Variants in BCL2 observed in about 807,000 individuals in gnomAD.
The protein encoded by BCL2 is BCL2 apoptosis regulator.
Under a neutral mutation model 14.2 loss-of-function variants are expected in BCL2, and 1 was observed. That is an observed-to-expected ratio of 0.07 (90% CI 0.02 to 0.33). The LOEUF (loss-of-function observed/expected upper bound fraction) is 0.33, where lower values mean the gene tolerates loss of function less well. BCL2 is among the 10% of genes least tolerant of loss of function. BCL2 has a pLI of 0.99. For missense variants in BCL2, 247 were observed against 305.9 expected (o/e 0.81, Z 1.44); for synonymous variants, 151 against 137.2 (o/e 1.10, Z -0.70).
rs575294182 is a variant in BCL2 at position 63,198,715 on chromosome 18, A to T, written c.586-69956T>A. Among the ~76,000 whole-genome samples, 16 of 147,810 alleles carry T rather than the reference A, an allele frequency of 1.1e-4. No homozygotes were observed. In the East Asian group the frequency reaches 3.3e-3, roughly 31 times the overall value. ...CACACACACTGACACACAGAGACAC[A>T]CACACACAGACACACACAGACACAG... On this transcript the variant is annotated intron_variant, in intron 2 of 2. Coordinates refer to ENST00000333681, the MANE Select transcript of BCL2 (RefSeq NM_000633.3).
At position 63,253,030 on chromosome 18, in the gene BCL2, C is replaced by T. The variant is rs568308822; in HGVS notation, c.585+65052G>A. 2.0e-5 allele frequency among the ~76,000 whole-genome samples: 3 copies of T among 152,342 alleles called. No individual in the cohort carries two copies. In the South Asian group the frequency reaches 6.2e-4, roughly 32 times the overall value. ...CACCAACTCTGTACACAAAAACACACTTTAATGTTAACTAGAATTATTCCT... is the reference window on the plus strand; with the variant it reads ...CACCAACTCTGTACACAAAAACACATTTTAATGTTAACTAGAATTATTCCT... On this transcript the variant is annotated intron_variant, in intron 2 of 2. Transcript: ENST00000333681.
rs551725966 is a variant in BCL2, at chr18:63,204,993, G to A, written c.586-76234C>T. 5.3e-5 allele frequency among the ~76,000 whole-genome samples: 8 copies of A among 152,284 alleles called. No homozygotes were observed. In the South Asian group the frequency reaches 1.7e-3, roughly 32 times the overall value. On this transcript the variant is annotated intron_variant, in intron 2 of 2. Coordinates refer to ENST00000333681, the MANE Select transcript of BCL2 (RefSeq NM_000633.3). ...GTTCCTTATTCTGATGGAAGAGCGAGTAGTGAATTGGGTGGATGGGGACGG... is the reference window on the plus strand; with the variant it reads ...GTTCCTTATTCTGATGGAAGAGCGAATAGTGAATTGGGTGGATGGGGACGG...
At chr18:63,156,354 G>A (rs976575234) in intron 2 of BCL2, among the ~76,000 whole-genome samples, 8 of 152,164 alleles carry the variant, frequency 5.3e-5, no homozygotes, top group Non-Finnish European at 1.2e-4. Flanking sequence ...TCTTTGTTGT[G>A]GGGAGGACGG....
At chr18:63,253,550 T>C (rs1911377926) in intron 2 of BCL2, among the ~76,000 whole-genome samples, 1 of 152,244 alleles carries the variant, frequency 6.6e-6, no homozygotes, top group Non-Finnish European at 1.5e-5. Flanking sequence ...CATCAGTGAC[T>C]AGGGCAAAAC....
chr18:63,216,330 T>C (rs1231415415), intron 2 of BCL2, among the ~76,000 whole-genome samples: 8 of 148,668 alleles, frequency 5.4e-5, no homozygotes, highest in Non-Finnish European at 1.2e-4. Context: ...TCAAGGTGAG[T>C]CAGTAAGGAC....
At chr18:63,305,495 G>A (rs1378810477) in intron 2 of BCL2, among the ~76,000 whole-genome samples, 5 of 152,100 alleles carry the variant, frequency 3.3e-5, no homozygotes, top group Non-Finnish European at 7.4e-5. Context: ...GGGAGAAGTT[G>A]GAATACAATA....
In BCL2 at chr18:63,286,208, T is replaced by C. The variant is rs1275953478; in HGVS notation, c.585+31874A>G. On this transcript the variant is annotated intron_variant, in intron 2 of 2. Coordinates refer to ENST00000333681, the MANE Select transcript of BCL2 (RefSeq NM_000633.3). ...AGAGCATAATGTAAAAGAAATGCCT[T>C]AACACTTCCTTCACTAGGTTCAAAC... 2.0e-5 allele frequency among the ~76,000 whole-genome samples: 3 copies of C among 152,250 alleles called. No individual in the cohort carries two copies. The East Asian group carries it at 5.8e-4, about 29-fold the overall frequency.
At chr18:63,227,079 G>A (rs1055797686) in intron 2 of BCL2, among the ~76,000 whole-genome samples, 1 of 150,532 alleles carries the variant, frequency 6.6e-6, no homozygotes, top group Non-Finnish European at 1.5e-5. Context: ...AGCAATATGA[G>A]AGAGAGAGAG....
At chr18:63,225,695 G>C (rs953755245) in intron 2 of BCL2, among the ~76,000 whole-genome samples, 1 of 152,224 alleles carries the variant, frequency 6.6e-6, no homozygotes, top group African/African-American at 2.4e-5. Context: ...CACTCATGAA[G>C]ACATGCTGCA....
intron 2 of BCL2, among the ~76,000 whole-genome samples, chr18:63,227,359 T>C (rs966394337): frequency 2.0e-5 from 3 of 152,328 alleles, no homozygotes; most frequent in African/African-American, 7.2e-5. Flanking sequence ...TACAGGTGCA[T>C]GCCATGCCTG....
chr18:63,275,565 T>A (rs1912129732), intron 2 of BCL2, among the ~76,000 whole-genome samples: 1 of 152,236 alleles, frequency 6.6e-6, no homozygotes, highest in Non-Finnish European at 1.5e-5. Context: ...GTGTCACGAA[T>A]AATGAGCTTC....
At chr18:63,212,239 AAT>A (rs1910039268) in intron 2 of BCL2, among the ~76,000 whole-genome samples, 1 of 151,388 alleles carries the variant, frequency 6.6e-6, no homozygotes, top group African/African-American at 2.4e-5. Flanking sequence ...GGCGAGACAG[AAT>A]TGCTTGAACC....
At chr18:63,146,845 T>A (rs536953457) in intron 2 of BCL2, among the ~76,000 whole-genome samples, 1 of 152,212 alleles carries the variant, frequency 6.6e-6, no homozygotes, top group African/African-American at 2.4e-5. Flanking sequence ...TGATGGAATA[T>A]AGATTCAAAC....
chr18:63,317,980 G>T, intron 2 of BCL2, 102 bp downstream of exon 2: 2 of 1,501,062 alleles, frequency 1.3e-6, no homozygotes, highest in South Asian at 1.3e-5. Context: ...TTATTTCGCC[G>T]GCTCCACAGC....
At chr18:63,131,028 G>T (rs1914053262) in intron 2 of BCL2, among the ~76,000 whole-genome samples, 1 of 152,140 alleles carries the variant, frequency 6.6e-6, no homozygotes, top group African/African-American at 2.4e-5. Context: ...GATTTGGGGT[G>T]AGGGTGCTAC....
At chr18:63,268,952 TC>T (rs1346765058) in intron 2 of BCL2, among the ~76,000 whole-genome samples, 1 of 151,560 alleles carries the variant, frequency 6.6e-6, no homozygotes, top group Non-Finnish European at 1.5e-5. Context: ...TTTTTCTTTT[TC>T]CATTTTTTTT....
At chr18:63,313,765 T>C (rs949956380) in intron 2 of BCL2, 2 of 152,092 alleles carry the variant, frequency 1.3e-5, no homozygotes, top group Admixed American at 6.5e-5. Context: ...AATAGCGCAA[T>C]AGGACTGGGA....
chr18:63,160,073 C>G (rs1338997257), intron 2 of BCL2, among the ~76,000 whole-genome samples: 1 of 152,182 alleles, frequency 6.6e-6, no homozygotes. Context: ...TTAACTCACT[C>G]CCCTATCAAG....
chr18:63,269,730 T>G (rs990727428), intron 2 of BCL2, among the ~76,000 whole-genome samples: 14 of 152,236 alleles, frequency 9.2e-5, no homozygotes, highest in Admixed American at 2.6e-4. Flanking sequence ...AAACTTGATT[T>G]GATTAGTTTG....
Sources: gnomAD v4.1 joint callset for allele counts (sites outside exome capture counted in the v4.1 genomes callset) on GRCh38, gnomAD v4.1.1 for gene constraint, MANE v1.5 for transcripts, NCBI Gene and HGNC (gene_info 2026-07-23, HGNC 2026-07-21) for gene names.